The following POLA1 variants were observed in gnomAD, a reference collection of about 807,000 sequenced individuals.
POLA1 encodes the protein DNA polymerase alpha 1, catalytic subunit.
Under a neutral mutation model 124.0 loss-of-function variants are expected in POLA1, and 15 were observed. The observed-to-expected ratio is 0.12, with a 90% CI of 0.08 to 0.19. The LOEUF (loss-of-function observed/expected upper bound fraction) is 0.19, where lower values mean the gene tolerates loss of function less well. Among genes scored for constraint, POLA1 ranks in the 10% least tolerant of loss-of-function variants. The pLI is 1.00. For missense variants in POLA1, 886 were observed against 1,103.4 expected, an observed-to-expected ratio of 0.80 and a Z score of 2.79; for synonymous variants, 408 against 389.4, an observed-to-expected ratio of 1.05 and a Z score of -0.56.
intron 26 of POLA1, among the ~76,000 whole-genome samples, chrX:24,778,804 G>T (rs1449561942): frequency 9.0e-6 from 1 of 111,539 alleles, no homozygotes; most frequent in Non-Finnish European, 1.9e-5. Flanking sequence ...TGTAACGATG[G>T]AATTAGGATT....
At chrX:24,741,089 T>G (rs751178891) in intron 20 of POLA1, among the ~76,000 whole-genome samples, 3 of 107,749 alleles carry the variant, frequency 2.8e-5, no homozygotes, top group African/African-American at 6.8e-5. Flanking sequence ...AGTTATTATA[T>G]TACTTCAGTT....
At chrX:24,809,797 C>T (rs1054423938) in intron 26 of POLA1, 101 bp from the exon 27 acceptor site, 10 of 487,672 alleles carry the variant, frequency 2.1e-5, no homozygotes, top group Non-Finnish European at 3.4e-5. Context: ...TTTAGAAATA[C>T]ATGGAAATGG....
intron 35 of POLA1, among the ~76,000 whole-genome samples, chrX:24,910,315 T>C (rs1476740799): frequency 9.2e-6 from 1 of 108,866 alleles, no homozygotes; most frequent in African/African-American, 3.4e-5. Flanking sequence ...CCCTGTCTTG[T>C]GCCAGTTTTC....
rs185241778 is a variant in POLA1 at position 24,806,698 on chromosome X, A to G, written c.2965-3200A>G. Among the ~76,000 whole-genome samples the G allele has an allele frequency of 2.8e-3, 316 of 112,076 alleles. 3 individuals carry two copies. The highest frequency in any genetic ancestry group is 9.6e-3 in the African/African-American group (295 of 30,815). ...TATATTTATTTTAAAAATTTGAAAC[A>G]TAACAACCTTTGACCCAGCACACCC... On this transcript the variant is annotated intron_variant, in intron 26 of 36. Transcript: ENST00000379068.
At chrX:24,985,394 A>G in intron 36 of POLA1, among the ~76,000 whole-genome samples, 1 of 113,055 alleles carries the variant, frequency 8.8e-6, no homozygotes. Context: ...CTCCATAATA[A>G]TGAAATCATG....
chrX:24,928,294 C>G (rs750399315), intron 35 of POLA1, among the ~76,000 whole-genome samples: 2 of 111,847 alleles, frequency 1.8e-5, no homozygotes, highest in African/African-American at 6.5e-5. Flanking sequence ...TGGGTTGTCA[C>G]TCGTTTGCTT....
intron 32 of POLA1, among the ~76,000 whole-genome samples, chrX:24,838,707 G>T (rs1263806525): frequency 8.9e-6 from 1 of 112,312 alleles, no homozygotes; most frequent in Non-Finnish European, 1.9e-5. Context: ...TAAAGATTTT[G>T]CTTTAATGTC....
chrX:24,978,206 C>T (rs1290197204), intron 36 of POLA1, among the ~76,000 whole-genome samples: 3 of 111,533 alleles, frequency 2.7e-5, no homozygotes, highest in African/African-American at 9.8e-5. Flanking sequence ...TTTTTGTGTG[C>T]ATTTTGAATT....
chrX:24,809,912 G>A lies in POLA1; in HGVS notation c.2979G>A (p.Thr993=), dbSNP rs373198180. The A allele has an allele frequency of 2.2e-5, 24 of 1,090,209 alleles. No homozygotes were observed. The East Asian group carries it at 3.7e-4, about 17-fold the overall frequency. The allele number at this position is 1,090,209 out of a possible 1,213,427, so 89.8% of individuals were successfully genotyped here. ...TYKGREILMH[T]KEMVQKMNLE... Reference sequence around the variant, plus strand: ...GTTTCATTTAGATTTTGATGCATACGAAAGAGATGGTACAAAAGGTAATGT... The same window carrying A: ...GTTTCATTTAGATTTTGATGCATACAAAAGAGATGGTACAAAAGGTAATGT... Residue 993 remains threonine, a synonymous_variant, in exon 27 of 37, where the codon ACG becomes ACA. Transcript: ENST00000379068.
intron 35 of POLA1, among the ~76,000 whole-genome samples, chrX:24,922,053 C>T (rs369444290): frequency 2.4e-4 from 27 of 110,588 alleles, no homozygotes; most frequent in African/African-American, 6.9e-4. Flanking sequence ...AAAAGAAATC[C>T]TAGAAATTAC....
chrX:24,970,446 C>T (rs753380393), intron 36 of POLA1, among the ~76,000 whole-genome samples: 44 of 111,700 alleles, frequency 3.9e-4, no homozygotes, highest in South Asian at 2.6e-3. Flanking sequence ...AAGCAAATAT[C>T]GACAAATGGA....
intron 2 of POLA1, among the ~76,000 whole-genome samples, chrX:24,702,452 A>G (rs369320801): frequency 4.3e-4 from 48 of 112,568 alleles, no homozygotes; most frequent in African/African-American, 1.5e-3. Context: ...GCCTTTCCCC[A>G]TGGGCAGCTG....
chrX:24,889,620 AATC>A (rs781621262), intron 35 of POLA1, among the ~76,000 whole-genome samples: 6 of 112,484 alleles, frequency 5.3e-5, no homozygotes, highest in Non-Finnish European at 1.1e-4. Flanking sequence ...GCAGGCCTAT[AATC>A]AAGTTTTGAC....
At chrX:24,839,294 G>GA (rs772783071) in intron 32 of POLA1, among the ~76,000 whole-genome samples, 74 of 107,739 alleles carry the variant, frequency 6.9e-4, no homozygotes, top group East Asian at 1.4e-3. Context: ...TTCCCCTGGG[G>GA]AAAAAAAAAA....
intron 32 of POLA1, among the ~76,000 whole-genome samples, chrX:24,827,221 C>T (rs953604096): frequency 3.6e-5 from 4 of 111,973 alleles, no homozygotes; most frequent in African/African-American, 1.3e-4. Context: ...CAGATTGTCT[C>T]CGTTGCTGTG....
chrX:24,741,416 A>G lies in POLA1; in HGVS notation c.2258A>G (p.Lys753Arg). The G allele has an allele frequency of 8.4e-7, 1 of 1,194,691 alleles. No homozygotes were observed. The highest frequency in any genetic ancestry group is 1.1e-6 in the Non-Finnish European group (1 of 880,157). Residue 753 changes from lysine (K) to arginine (R), a missense_variant, in exon 21 of 37, where the codon AAA becomes AGA. Transcript: ENST00000379068. ...TTATACCTGTTGGAACACACCTGGA[A>G]AGATGCCAAGTTCATTTTGCAGATC... is the stretch of plus-strand genomic sequence containing the variant. ...QLLYLLEHTW[K>R]DAKFILQIMC...
At position 24,716,343 on chromosome X, in the gene POLA1, G is replaced by A; in HGVS notation, c.526-19G>A. 1 of 926,838 alleles carries A rather than the reference G, an allele frequency of 1.1e-6. No individual in the cohort carries two copies. The highest frequency in any genetic ancestry group is 3.1e-5 in the East Asian group (1 of 32,423). 76.4% of individuals were successfully genotyped at this position (926,838 alleles called of 1,213,427 possible). A position where few individuals can be genotyped will look rare whatever the true frequency, so the allele number is the denominator to read the frequency against. Reference sequence around the variant, plus strand: ...GTAAACCAAGCATGGCAGTGAATATGTCTTACCTTTCCTTTTAGACACCTC... The same window carrying A: ...GTAAACCAAGCATGGCAGTGAATATATCTTACCTTTCCTTTTAGACACCTC... On this transcript the variant is annotated intron_variant, in intron 6 of 36. Transcript: ENST00000379068.
intron 35 of POLA1, among the ~76,000 whole-genome samples, chrX:24,919,821 T>TTTTTTTTTTTTTTTTTTTTTTTTG (rs2047588099): frequency 1.2e-5 from 1 of 84,022 alleles, no homozygotes; most frequent in Non-Finnish European, 2.2e-5. Context: ...TTTTTTTTTG[T>TTTTTTTTTTTTTTTTTTTTTTTTG]TTTTTTTTTT....
chrX:24,884,297 T>C (rs2147133001), intron 34 of POLA1, among the ~76,000 whole-genome samples: 1 of 110,971 alleles, frequency 9.0e-6, no homozygotes, highest in South Asian at 3.9e-4. Context: ...CGTAGGTGCG[T>C]GCCACCACTC....
Sources: gnomAD v4.1 joint callset for allele counts (sites outside exome capture counted in the v4.1 genomes callset) on GRCh38, gnomAD v4.1.1 for gene constraint, MANE v1.5 for transcripts, NCBI Gene and HGNC (gene_info 2026-07-23, HGNC 2026-07-21) for gene names.